The following GRID2 variants were observed in gnomAD, a reference collection of about 807,000 sequenced individuals.
GRID2 encodes glutamate receptor ionotropic, delta-2.
In GRID2, 33 loss-of-function variants were observed where a neutral mutation model predicts 114.8. The ratio of observed to expected loss-of-function variants is 0.29; its 90% CI spans 0.22 to 0.38. GRID2 has a LOEUF of 0.38. GRID2 is among the 10% of genes least tolerant of loss of function. GRID2 has a pLI of 1.00. For missense variants in GRID2, 1,184 were observed against 1,257.7 expected (o/e 0.94, Z 0.89); for synonymous variants, 505 against 449.9 (o/e 1.12, Z -1.55).
chr4:92,990,020 A>G (rs1053885168), intron 2 of GRID2, among the ~76,000 whole-genome samples: 2 of 152,178 alleles, frequency 1.3e-5, no homozygotes, highest in Admixed American at 6.5e-5. Context: ...AGAGCATAGC[A>G]CTTGTCTGGC....
At chr4:93,535,137 G>T (rs1013632881) in intron 13 of GRID2, among the ~76,000 whole-genome samples, 1 of 151,242 alleles carries the variant, frequency 6.6e-6, no homozygotes, top group Non-Finnish European at 1.5e-5. Flanking sequence ...ATGTCTGGCT[G>T]CTTTCCTCTA....
intron 2 of GRID2, among the ~76,000 whole-genome samples, chr4:92,896,654 A>T (rs1397592662): frequency 6.6e-6 from 1 of 151,974 alleles, no homozygotes; most frequent in Non-Finnish European, 1.5e-5. Context: ...CATCATAACA[A>T]TTTCTCAGTT....
At position 93,786,421 on chromosome 4, in the gene GRID2, A is replaced by G. The variant is rs902654148; in HGVS notation, c.221+16971A>G. The stretch of plus-strand genomic sequence containing the variant: ...TGAGCACATTTAAATGCAAATATGA[A>G]GGAGCCAGTAGAGGGCAAAGCTTGA... On this transcript the variant is annotated intron_variant, in intron 1 of 1. Transcript: ENST00000637838. Among the ~76,000 whole-genome samples, 39 of 152,228 alleles carry G rather than the reference A, an allele frequency of 2.6e-4. 1 individual carries two copies. Among genetic ancestry groups the G allele is most frequent in the Non-Finnish European group, 4.9e-4 (33 of 68,036 alleles).
intron 12 of GRID2, among the ~76,000 whole-genome samples, chr4:93,492,628 A>G (rs72886260): frequency 6.6e-6 from 1 of 151,896 alleles, no homozygotes; most frequent in African/African-American, 2.4e-5. Flanking sequence ...GCATGTAGGC[A>G]TATATCCCAA....
chr4:92,443,800 A>C (rs972254023), intron 1 of GRID2, among the ~76,000 whole-genome samples: 1 of 152,172 alleles, frequency 6.6e-6, no homozygotes, highest in Non-Finnish European at 1.5e-5. Context: ...CCTGCGTGGT[A>C]TGACACCTTT....
intron 1 of GRID2, among the ~76,000 whole-genome samples, chr4:92,480,189 A>C (rs980477873): frequency 6.6e-6 from 1 of 152,244 alleles, no homozygotes; most frequent in Admixed American, 6.5e-5. Context: ...AAAGCATAAG[A>C]AACCATCAGG....
At position 93,110,885 on chromosome 4, in the gene GRID2, T is replaced by G; in HGVS notation, c.667T>G (p.Tyr223Asp). Reference sequence around the variant, plus strand: ...CATGAGAATAGAAGAACTGAATCGCTATCGAGACACTCTTAGGCGAGCGAT... The same window carrying G: ...CATGAGAATAGAAGAACTGAATCGCGATCGAGACACTCTTAGGCGAGCGAT... The part of the protein sequence containing the change: ...DTMRIEELNR[Y>D]RDTLRRAILV... Residue 223 changes from tyrosine to aspartate, a missense_variant, in exon 4 of 16, where the codon TAT becomes GAT. Transcript: ENST00000282020. 1 of 1,612,852 alleles carries G rather than the reference T, an allele frequency of 6.2e-7. No individual in the cohort carries two copies. Among genetic ancestry groups the G allele is most frequent in the South Asian group, 1.1e-5 (1 of 91,050 alleles).
intron 1 of GRID2, among the ~76,000 whole-genome samples, chr4:92,321,953 A>G (rs1726337573): frequency 6.6e-6 from 1 of 152,188 alleles, no homozygotes; most frequent in South Asian, 2.1e-4. Flanking sequence ...TTATATGGAT[A>G]CATTGCAATA....
intron 2 of GRID2, chr4:92,702,321 G>T (rs974278204): frequency 6.6e-6 from 1 of 152,058 alleles, no homozygotes; most frequent in African/African-American, 2.4e-5. Context: ...TATAATCAGA[G>T]GTTCAATGAA....
At chr4:92,882,417 G>A (rs1428974093) in intron 2 of GRID2, among the ~76,000 whole-genome samples, 1 of 152,116 alleles carries the variant, frequency 6.6e-6, no homozygotes, top group Non-Finnish European at 1.5e-5. Context: ...TTTAAATAAT[G>A]TAAGACTGTA....
intron 2 of GRID2, among the ~76,000 whole-genome samples, chr4:92,847,178 C>T (rs1743389046): frequency 1.3e-5 from 2 of 152,028 alleles, no homozygotes; most frequent in Non-Finnish European, 2.9e-5. Context: ...GTCAGTGTTG[C>T]AAATAGACAA....
chr4:93,502,728 G>T (rs184108998), intron 12 of GRID2, among the ~76,000 whole-genome samples: 3 of 96,726 alleles, frequency 3.1e-5, no homozygotes, highest in Admixed American at 1.1e-4. Flanking sequence ...ACACACACAC[G>T]CACACCACAC....
At chr4:92,758,888 C>T (rs1287807877) in intron 2 of GRID2, among the ~76,000 whole-genome samples, 1 of 152,048 alleles carries the variant, frequency 6.6e-6, no homozygotes, top group Non-Finnish European at 1.5e-5. Context: ...GAAATTATTT[C>T]AAAATTATGC....
chr4:93,142,534 A>G (rs1216115876), intron 4 of GRID2, among the ~76,000 whole-genome samples: 2 of 152,150 alleles, frequency 1.3e-5, no homozygotes, highest in Non-Finnish European at 1.5e-5. Flanking sequence ...ATAACCTTCC[A>G]AAGTTTCTGT....
chr4:93,557,340 G>T (rs1734422178), intron 13 of GRID2, among the ~76,000 whole-genome samples: 1 of 152,084 alleles, frequency 6.6e-6, no homozygotes, highest in Non-Finnish European at 1.5e-5. Flanking sequence ...GTATTCAGGA[G>T]ACCCGTCTCC....
At chr4:92,371,562 T>G (rs1029398244) in intron 1 of GRID2, among the ~76,000 whole-genome samples, 5 of 152,206 alleles carry the variant, frequency 3.3e-5, no homozygotes, top group African/African-American at 4.8e-5. Context: ...CCAGGTTTAC[T>G]GAATTTTTAA....
intron 2 of GRID2, among the ~76,000 whole-genome samples, chr4:93,045,092 G>A (rs1291839941): frequency 6.6e-6 from 1 of 152,100 alleles, no homozygotes; most frequent in Non-Finnish European, 1.5e-5. Context: ...TTTCTGGGAT[G>A]CTGCTGCTCA....
chr4:92,570,313 A>G (rs1182172820), intron 1 of GRID2, among the ~76,000 whole-genome samples: 1 of 151,926 alleles, frequency 6.6e-6, no homozygotes, highest in African/African-American at 2.4e-5. Flanking sequence ...TCATTGGTCT[A>G]TGTGTCTGTT....
At chr4:93,042,694 TATATATATGC>T (rs1232025229) in intron 2 of GRID2, among the ~76,000 whole-genome samples, 4 of 144,386 alleles carry the variant, frequency 2.8e-5, no homozygotes, top group Admixed American at 7.0e-5. Context: ...TATATATGCA[TATATATATGC>T]ATATATATAT....
Sources: gnomAD v4.1 joint callset for allele counts (sites outside exome capture counted in the v4.1 genomes callset) on GRCh38, gnomAD v4.1.1 for gene constraint, MANE v1.5 for transcripts, NCBI Gene and HGNC (gene_info 2026-07-23, HGNC 2026-07-21) for gene names.